Variants in PXYLP1 observed in about 807,000 individuals in gnomAD.
PXYLP1 encodes the protein acid phosphatase-like 2.
A neutral mutation model predicts 37.9 loss-of-function variants in PXYLP1; 17 were observed. The ratio of observed to expected loss-of-function variants is 0.45; its 90% confidence interval spans 0.31 to 0.67. PXYLP1 has a LOEUF of 0.67. Among genes scored for constraint, PXYLP1 ranks in the 30% least tolerant of loss-of-function variants. PXYLP1 has a pLI of 0.07. For missense variants in PXYLP1, 511 were observed against 612.0 expected, an observed-to-expected ratio of 0.84 and a Z score of 1.74; for synonymous variants, 221 against 232.2, an observed-to-expected ratio of 0.95 and a Z score of 0.44.
At chr3:141,248,027 T>TTG (rs1553751220) in intron 1 of PXYLP1, among the ~76,000 whole-genome samples, 36 of 117,394 alleles carry the variant, frequency 3.1e-4, no homozygotes, top group African/African-American at 1.5e-3. Flanking sequence ...TGTTTTGTTT[T>TTG]TTTTTTTTTT....
chr3:141,272,227 G>A (rs536161766), intron 2 of PXYLP1, among the ~76,000 whole-genome samples: 2 of 152,220 alleles, frequency 1.3e-5, no homozygotes, highest in African/African-American at 4.8e-5. Context: ...GCAGATACTC[G>A]GTTATAACTT....
chr3:141,233,842 A>G (rs1940593241), intron 1 of PXYLP1, among the ~76,000 whole-genome samples: 1 of 152,202 alleles, frequency 6.6e-6, no homozygotes, highest in Non-Finnish European at 1.5e-5. Flanking sequence ...TAAGTAGCCC[A>G]AGGACATACT....
At chr3:141,235,959 A>C (rs2107858734) in intron 1 of PXYLP1, among the ~76,000 whole-genome samples, 1 of 152,350 alleles carries the variant, frequency 6.6e-6, no homozygotes, top group East Asian at 1.9e-4. Flanking sequence ...TTCAGTCTGC[A>C]GTGATGGCGG....
chr3:141,242,449 T>G (rs936318532), intron 1 of PXYLP1, among the ~76,000 whole-genome samples: 1 of 152,244 alleles, frequency 6.6e-6, no homozygotes, highest in Admixed American at 6.5e-5. Context: ...TTTCTTTCCC[T>G]AAGGAAAAGA....
Position 141,292,270 on chromosome 3 carries a change from G to A in PXYLP1, c.508G>A (p.Val170Ile), listed in dbSNP as rs1227492199. The change falls in exon 6 of 6, where the codon GTT becomes ATT. Residue 170 changes from valine to isoleucine, a missense_variant and splice_region_variant. Physicochemically the swap from Val to Ile is conservative, Grantham distance 29 (BLOSUM62 3). Coordinates refer to ENST00000286353, the MANE Select transcript of PXYLP1 (RefSeq NM_001037172.3). The surrounding 1 kb of genome is among the most constrained non-coding windows in gnomAD (Gnocchi z 4.3). ...AGCTTTGTGTGCTTGTGTTTCAGGA[G>A]TTGTGCAGCATTTGCAGAACGGTCA... is the stretch of plus-strand genomic sequence containing the variant. ...CEMGELTQTGVVQHLQNGQLL... is the reference protein window; with the variant it reads ...CEMGELTQTGIVQHLQNGQLL... 3 of 1,583,576 alleles carry A rather than the reference G, an allele frequency of 1.9e-6. No individual in the cohort carries two copies. Among genetic ancestry groups the A allele is most frequent in the African/African-American group, 1.4e-5 (1 of 73,902 alleles).
At chr3:141,278,221 T>TGC in intron 2 of PXYLP1, 121 bp from the exon 3 acceptor site, 1 of 1,148,526 alleles carries the variant, frequency 8.7e-7, no homozygotes, top group East Asian at 2.4e-5. Context: ...TCCACTGAAG[T>TGC]GCACCTTGAT....
chr3:141,257,574 A>T, intron 1 of PXYLP1, among the ~76,000 whole-genome samples: 1 of 152,196 alleles, frequency 6.6e-6, no homozygotes, highest in East Asian at 1.9e-4. Flanking sequence ...CCAAATGCCC[A>T]CCTGAAGACA....
intron 4 of PXYLP1, among the ~76,000 whole-genome samples, 156 bp downstream of exon 4, chr3:141,279,660 GGAGGCCCACA>G (rs1316362922): frequency 6.6e-6 from 1 of 152,248 alleles, no homozygotes; most frequent in Non-Finnish European, 1.5e-5. Context: ...TTGAAAAGAT[GGAGGCCCACA>G]GAGGCGGGGA....
chr3:141,292,536 G>T lies in PXYLP1; in HGVS notation c.774G>T (p.Gln258His), dbSNP rs567766401. The T allele has an allele frequency of 5.6e-6, 9 of 1,614,222 alleles. No individual in the cohort carries two copies. In the East Asian group the frequency reaches 2.0e-4, roughly 36 times the overall value. ...PVRNQYLEKE[Q>H]RRQYLLRLKN... Reference sequence around the variant, plus strand: ...GAAACCAGTATCTGGAAAAGGAGCAGCGTCGTCAGTACCTCCTACGTTTGA... The same window carrying T: ...GAAACCAGTATCTGGAAAAGGAGCATCGTCGTCAGTACCTCCTACGTTTGA... The change falls in exon 6 of 6, where the codon CAG becomes CAT. Residue 258 changes from glutamine (Q) to histidine (H), a missense_variant. By Grantham distance (24) the Gln-to-His change is conservative. Coordinates refer to ENST00000286353, the MANE Select transcript of PXYLP1 (RefSeq NM_001037172.3). This position sits in a 1 kb window ranked among gnomAD's most constrained non-coding sequence, Gnocchi z 4.3.
chr3:141,285,510 CACAACA>C (rs771798897), intron 4 of PXYLP1, among the ~76,000 whole-genome samples: 1 of 151,190 alleles, frequency 6.6e-6, no homozygotes, highest in Non-Finnish European at 1.5e-5. Context: ...AAACAAACAA[CACAACA>C]ACAACAACAA....
intron 1 of PXYLP1, among the ~76,000 whole-genome samples, chr3:141,246,999 G>A (rs1357937877): frequency 1.3e-5 from 2 of 152,230 alleles, no homozygotes; most frequent in Non-Finnish European, 2.9e-5. Flanking sequence ...GTGGCGTTAT[G>A]TGCTGGCTCC....
At position 141,292,850 on chromosome 3, in the gene PXYLP1, C is replaced by A; in HGVS notation, c.1088C>A (p.Ala363Asp). The A allele has an allele frequency of 6.2e-7, 1 of 1,614,128 alleles. No homozygotes were observed. The highest frequency in any genetic ancestry group is 8.5e-7 in the Non-Finnish European group (1 of 1,180,018). Residue 363 changes from alanine (A) to aspartate (D), a missense_variant, in exon 6 of 6, where the codon GCC becomes GAC. By Grantham distance (126) the Ala-to-Asp change is moderately radical. Transcript: ENST00000286353. This position sits in a 1 kb window ranked among gnomAD's most constrained non-coding sequence, Gnocchi z 4.3. ...CAAACCATCGGCCGGATGCAGCGTG[C>A]CACCGAGGGCAGGAAAGAAGAGCTC... ...LNQTIGRMQRATEGRKEELFA... is the reference protein window; with the variant it reads ...LNQTIGRMQRDTEGRKEELFA...
intron 3 of PXYLP1, 36 bp from the exon 4 acceptor site, chr3:141,279,342 T>C (rs199822582): frequency 1.2e-6 from 2 of 1,613,042 alleles, no homozygotes; most frequent in South Asian, 2.2e-5. Flanking sequence ...TGACACCTAT[T>C]GAGTGATAAC....
At chr3:141,251,459 AC>A (rs1373618016) in intron 1 of PXYLP1, among the ~76,000 whole-genome samples, 4 of 152,190 alleles carry the variant, frequency 2.6e-5, no homozygotes, top group African/African-American at 9.7e-5. Flanking sequence ...CCACATCTCT[AC>A]AACAGTTGCA....
At chr3:141,246,927 G>C (rs146064471) in intron 1 of PXYLP1, among the ~76,000 whole-genome samples, 3 of 152,310 alleles carry the variant, frequency 2.0e-5, no homozygotes, top group Non-Finnish European at 4.4e-5. Flanking sequence ...GAGCACTTCA[G>C]CCTTGGCTTC....
intron 1 of PXYLP1, among the ~76,000 whole-genome samples, chr3:141,232,978 G>C (rs952176706): frequency 6.6e-6 from 1 of 152,224 alleles, no homozygotes; most frequent in Admixed American, 6.5e-5. Flanking sequence ...TAGGGGGGTG[G>C]ATGGGGGATC....
intron 2 of PXYLP1, among the ~76,000 whole-genome samples, chr3:141,268,202 AGAGAGTGTGTGT>A (rs1453200537): frequency 1.4e-3 from 54 of 37,434 alleles, no homozygotes; most frequent in African/African-American, 3.2e-3. Context: ...AGAGAGAGAG[AGAGAGTGTGTGT>A]GTGTGTGTGT....
chr3:141,286,565 G>A lies in PXYLP1; in HGVS notation c.366-749G>A, dbSNP rs543625400. On this transcript the variant is annotated intron_variant, in intron 4 of 5. Transcript: ENST00000286353. ...AGTGTTGAAGAATGAGGTGCGTTGT[G>A]TGTTGGAGGAAAGAAGGCCTTTGGC... 3.3e-5 allele frequency among the ~76,000 whole-genome samples: 5 copies of A among 152,312 alleles called. No homozygotes were observed. In the East Asian group the frequency reaches 9.6e-4, roughly 29 times the overall value.
chr3:141,235,948 G>C (rs1343895580), intron 1 of PXYLP1, among the ~76,000 whole-genome samples: 3 of 152,224 alleles, frequency 2.0e-5, no homozygotes, highest in Admixed American at 6.5e-5. Flanking sequence ...TTTGGAAAAA[G>C]TTCAGTCTGC....
Sources: gnomAD v4.1 joint callset for allele counts (sites outside exome capture counted in the v4.1 genomes callset) on GRCh38, gnomAD v4.1.1 for gene constraint, Gnocchi (gnomAD v3.1) non-coding constraint, MANE v1.5 for transcripts, NCBI Gene and HGNC (gene_info 2026-07-23, HGNC 2026-07-21) for gene names.